SHC3: variants seen among roughly 807,000 people sequenced by gnomAD.
SHC3 encodes SHC adaptor protein 3.
SHC3 carries 15 observed loss-of-function variants against 60.4 expected under a neutral mutation model. The ratio of observed to expected loss-of-function variants is 0.25; its 90% CI spans 0.17 to 0.38. The LOEUF (loss-of-function observed/expected upper bound fraction) is 0.38, where lower values mean the gene tolerates loss of function less well. Among genes scored for constraint, SHC3 ranks in the 10% least tolerant of loss-of-function variants. The pLI, the probability that SHC3 is intolerant of heterozygous loss-of-function variation, is 1.00. For synonymous variants in SHC3, 294 were observed against 325.9 expected (o/e 0.90, Z 1.05); for missense variants, 677 against 786.1 (o/e 0.86, Z 1.66).
chr9:89,036,998 A>T (rs933143529), intron 11 of SHC3, among the ~76,000 whole-genome samples: 7 of 149,754 alleles, frequency 4.7e-5, no homozygotes, highest in African/African-American at 1.7e-4. Context: ...TTGGAAGGAG[A>T]TAGGTTACAT....
chr9:89,055,646 T>G (rs1282245003), intron 6 of SHC3, among the ~76,000 whole-genome samples: 1 of 152,194 alleles, frequency 6.6e-6, no homozygotes, highest in East Asian at 1.9e-4. Context: ...ATGCACCTTC[T>G]GTTCTGCTCT....
chr9:89,159,873 T>G (rs1826679035), intron 1 of SHC3, among the ~76,000 whole-genome samples: 1 of 152,130 alleles, frequency 6.6e-6, no homozygotes, highest in South Asian at 2.1e-4. Context: ...GCCCACTGAC[T>G]CAAATGTTCA....
intron 7 of SHC3, among the ~76,000 whole-genome samples, chr9:89,051,711 C>CA (rs1410004087): frequency 6.6e-6 from 1 of 152,198 alleles, no homozygotes; most frequent in Non-Finnish European, 1.5e-5. Flanking sequence ...AACATAGACC[C>CA]AAAGAGGTGA....
At chr9:89,060,892 T>C (rs905572238) in intron 6 of SHC3, among the ~76,000 whole-genome samples, 1 of 151,870 alleles carries the variant, frequency 6.6e-6, no homozygotes, top group African/African-American at 2.4e-5. Flanking sequence ...GGCAGAGAAC[T>C]GGGGAAGTCG....
intron 9 of SHC3, among the ~76,000 whole-genome samples, chr9:89,044,649 T>A (rs187619424): frequency 6.6e-6 from 1 of 152,286 alleles, no homozygotes; most frequent in African/African-American, 2.4e-5. Flanking sequence ...AGGATTAGAT[T>A]GAGATATGAA....
At chr9:89,078,737 C>A (rs1282898001) in intron 2 of SHC3, among the ~76,000 whole-genome samples, 1 of 152,016 alleles carries the variant, frequency 6.6e-6, no homozygotes, top group Non-Finnish European at 1.5e-5. Flanking sequence ...GTGAGAAATG[C>A]CTGGGAGGTG....
chr9:89,089,681 G>A lies in SHC3; in HGVS notation c.546-11778C>T, dbSNP rs76818832. ...CCCAGAATCACACAATATTGGTGGA[G>A]TCAAAATCTGAATTGAGCTCTTCCA... is the stretch of plus-strand genomic sequence containing the variant. On this transcript the variant is annotated intron_variant, in intron 2 of 11. Coordinates refer to ENST00000375835, the MANE Select transcript of SHC3 (RefSeq NM_016848.6). 6.4e-4 allele frequency among the ~76,000 whole-genome samples: 98 copies of A among 152,358 alleles called. 1 individual carries two copies. The highest frequency in any genetic ancestry group is 2.1e-3 in the African/African-American group (87 of 41,586).
At chr9:89,175,071 A>G (rs1826923628) in intron 1 of SHC3, among the ~76,000 whole-genome samples, 1 of 152,270 alleles carries the variant, frequency 6.6e-6, no homozygotes, top group Non-Finnish European at 1.5e-5. Flanking sequence ...CCAAATATCA[A>G]ATACTTTTAA....
intron 11 of SHC3, among the ~76,000 whole-genome samples, chr9:89,035,211 C>T (rs565904287): frequency 5.3e-5 from 8 of 152,288 alleles, no homozygotes; most frequent in South Asian, 2.1e-4. Context: ...TTGACTCTGC[C>T]GGACTTTGTC....
intron 11 of SHC3, among the ~76,000 whole-genome samples, chr9:89,014,394 G>T (rs894058715): frequency 6.6e-6 from 1 of 152,116 alleles, no homozygotes; most frequent in Non-Finnish European, 1.5e-5. Context: ...GCAATTTTTC[G>T]AGGAGGTCTG....
intron 1 of SHC3, among the ~76,000 whole-genome samples, chr9:89,124,034 C>T (rs1466345826): frequency 2.0e-5 from 3 of 151,910 alleles, no homozygotes; most frequent in African/African-American, 7.3e-5. Context: ...GAAGTGTTTG[C>T]TTCCTAATTA....
chr9:89,095,260 C>G (rs1825684790), intron 2 of SHC3, among the ~76,000 whole-genome samples: 1 of 152,144 alleles, frequency 6.6e-6, no homozygotes, highest in Admixed American at 6.5e-5. Context: ...GTGGTCCATG[C>G]AGACAATGGA....
chr9:89,105,375 C>T (rs1287630046), intron 2 of SHC3, among the ~76,000 whole-genome samples: 1 of 152,148 alleles, frequency 6.6e-6, no homozygotes, highest in Non-Finnish European at 1.5e-5. Flanking sequence ...ATCCTCATCC[C>T]CAAAATACAC....
chr9:89,159,385 T>C (rs1249853166), intron 1 of SHC3, among the ~76,000 whole-genome samples: 3 of 152,044 alleles, frequency 2.0e-5, no homozygotes, highest in African/African-American at 7.3e-5. Flanking sequence ...GGATCACAAC[T>C]GTTGAGGAAG....
At chr9:89,048,756 A>G (rs1824813663) in intron 7 of SHC3, among the ~76,000 whole-genome samples, 1 of 152,212 alleles carries the variant, frequency 6.6e-6, no homozygotes, top group South Asian at 2.1e-4. Context: ...AGCTGGATGC[A>G]GTGTGGGTTC....
rs573717597 is a variant in SHC3 at position 89,095,569 on chromosome 9, C to T, written c.545+16987G>A. ...CACAACAATGTGAATGTTCCTAATG[C>T]CACTGTGAAAAATGGTTTCAATGGT... On this transcript the variant is annotated intron_variant, in intron 2 of 11. Coordinates refer to ENST00000375835, the MANE Select transcript of SHC3 (RefSeq NM_016848.6). 2.0e-4 allele frequency among the ~76,000 whole-genome samples: 31 copies of T among 152,132 alleles called. No individual in the cohort carries two copies. In the South Asian group the frequency reaches 2.7e-3, roughly 13 times the overall value.
At chr9:89,101,655 A>AT (rs1199726947) in intron 2 of SHC3, among the ~76,000 whole-genome samples, 7 of 151,212 alleles carry the variant, frequency 4.6e-5, no homozygotes, top group African/African-American at 1.5e-4. Flanking sequence ...AATTACACTG[A>AT]TTTTTTTTAA....
intron 3 of SHC3, among the ~76,000 whole-genome samples, chr9:89,075,502 T>C (rs1038378145): frequency 6.6e-6 from 1 of 152,224 alleles, no homozygotes; most frequent in Non-Finnish European, 1.5e-5. Context: ...TTCCAGGCCT[T>C]TTCTCTGGCC....
At chr9:89,163,323 A>G (rs936959364) in intron 1 of SHC3, among the ~76,000 whole-genome samples, 4 of 152,178 alleles carry the variant, frequency 2.6e-5, no homozygotes, top group Admixed American at 2.6e-4. Context: ...TGTTCACAAT[A>G]GCAAAGACTT....
Sources: gnomAD v4.1 joint callset for allele counts (sites outside exome capture counted in the v4.1 genomes callset) on GRCh38, gnomAD v4.1.1 for gene constraint, MANE v1.5 for transcripts, NCBI Gene and HGNC (gene_info 2026-07-23, HGNC 2026-07-21) for gene names.